Variants in VWA5A observed in about 807,000 individuals in gnomAD.
VWA5A encodes von Willebrand factor A domain containing 5A.
Under a neutral mutation model 84.6 loss-of-function variants are expected in VWA5A, and 77 were observed. The ratio of observed to expected loss-of-function variants is 0.91; its 90% CI spans 0.76 to 1.10. VWA5A has a LOEUF of 1.10. Ranked by LOEUF, VWA5A falls within the 50% of genes least tolerant of loss-of-function variation. The probability of loss-of-function intolerance (pLI) is 0.00; values close to 1 mark genes in which losing one functional copy is unlikely to be tolerated. For synonymous variants in VWA5A, 334 were observed against 350.1 expected (o/e 0.95, Z 0.51); for missense variants, 973 against 963.0 (o/e 1.01, Z -0.14).
intron 15 of VWA5A, among the ~76,000 whole-genome samples, chr11:124,137,966 C>T (rs558818119): frequency 2.0e-5 from 3 of 152,346 alleles, no homozygotes; most frequent in African/African-American, 7.2e-5. Flanking sequence ...TCAAGCAATC[C>T]TCCCACCTCA....
rs746277279 is a variant in VWA5A, at chr11:124,136,188, G to T, written c.1419G>T (p.Trp473Cys). ...QPVVEDVSLS[W>C]HLPPGLSAKM... ...TGGTAGAGGATGTCTCTCTGAGCTG[G>T]CATTTGCCTCCTGGTCTGTCTGCTA... Residue 473 changes from tryptophan to cysteine, a missense_variant, in exon 13 of 19, where the codon TGG (tryptophan) becomes TGT (cysteine). By Grantham distance (215) the Trp-to-Cys change is radical. Coordinates refer to ENST00000456829, the MANE Select transcript of VWA5A (RefSeq NM_001130142.2). The T allele has an allele frequency of 3.7e-6, 6 of 1,614,158 alleles. No homozygotes were observed. The highest frequency in any genetic ancestry group is 5.1e-6 in the Non-Finnish European group (6 of 1,180,044).
At chr11:124,144,128 G>T in intron 17 of VWA5A, among the ~76,000 whole-genome samples, 1 of 151,878 alleles carries the variant, frequency 6.6e-6, no homozygotes, top group East Asian at 1.9e-4. Flanking sequence ...TAAACTATCA[G>T]TCAAAAGAAT....
Position 124,147,564 on chromosome 11 carries a change from G to A in VWA5A, c.*1619G>A, listed in dbSNP as rs970656595. On this transcript the variant is annotated 3_prime_UTR_variant, in exon 19 of 19. Coordinates refer to ENST00000456829, the MANE Select transcript of VWA5A (RefSeq NM_001130142.2). ...ATGCTGAATGTGATCTGCGGAACAG[G>A]GTTGTTAGAAATGCAGCTTTTTAGA... The A allele has an allele frequency of 2.6e-5, 4 of 152,116 alleles. No individual in the cohort carries two copies. In the East Asian group the frequency reaches 7.7e-4, roughly 29 times the overall value. The allele number at this position is 152,116 out of a possible 1,614,324, so 9.4% of individuals were successfully genotyped here.
intron 16 of VWA5A, among the ~76,000 whole-genome samples, chr11:124,142,216 GC>G (rs968585472): frequency 3.9e-5 from 6 of 151,966 alleles, no homozygotes; most frequent in Admixed American, 2.6e-4. Context: ...GGCTGCCCTC[GC>G]CCCCCAGCAG....
intron 16 of VWA5A, among the ~76,000 whole-genome samples, chr11:124,141,968 A>G (rs1223822920): frequency 6.6e-6 from 1 of 152,168 alleles, no homozygotes; most frequent in African/African-American, 2.4e-5. Context: ...ATAGGGACTG[A>G]CAAACTAGCC....
chr11:124,145,393 T>G, intron 18 of VWA5A, 30 bp downstream of exon 18: 1 of 1,581,100 alleles, frequency 6.3e-7, no homozygotes, highest in African/African-American at 1.4e-5. Context: ...GCCTGTCTCC[T>G]TCCCCTTCCC....
At position 124,123,083 on chromosome 11, in the gene VWA5A, C is replaced by G; in HGVS notation, c.884C>G (p.Pro295Arg). The change falls in exon 8 of 19, where the codon CCC becomes CGC. Residue 295 changes from proline (P) to arginine (R), a missense_variant. Physicochemically the swap from Pro to Arg is moderately radical, Grantham distance 103. Coordinates refer to ENST00000456829, the MANE Select transcript of VWA5A (RefSeq NM_001130142.2). ...LMDRSGSMQSPMSSQDTSQLR... is the reference protein window; with the variant it reads ...LMDRSGSMQSRMSSQDTSQLR... ...GACCGCTCGGGAAGTATGCAGAGCCCCATGAGTAGCCAGGATACATCTCAG... is the reference window on the plus strand; with the variant it reads ...GACCGCTCGGGAAGTATGCAGAGCCGCATGAGTAGCCAGGATACATCTCAG... 6.2e-7 allele frequency: 1 copy of G among 1,613,952 alleles called. No homozygotes were observed. Among genetic ancestry groups the G allele is most frequent in the Non-Finnish European group, 8.5e-7 (1 of 1,179,996 alleles).
chr11:124,138,508 G>A (rs556222351), intron 15 of VWA5A, among the ~76,000 whole-genome samples: 11 of 152,196 alleles, frequency 7.2e-5, no homozygotes, highest in East Asian at 3.9e-4. Context: ...ATATCTCATC[G>A]TGGTTTTGAT....
chr11:124,141,736 G>A lies in VWA5A; in HGVS notation c.2018G>A (p.Ser673Asn), dbSNP rs771497215. 9.3e-6 allele frequency: 15 copies of A among 1,613,734 alleles called. No homozygotes were observed. The highest frequency in any genetic ancestry group is 7.6e-6 in the Non-Finnish European group (9 of 1,179,928). ...CGLISHKDQHSPGFGENHLVQ... is the reference protein window; with the variant it reads ...CGLISHKDQHNPGFGENHLVQ... Reference sequence around the variant, plus strand: ...TTGATAAGTCACAAGGACCAGCACAGTCCAGGTGAGTACCTTTATAGGAAC... The same window carrying A: ...TTGATAAGTCACAAGGACCAGCACAATCCAGGTGAGTACCTTTATAGGAAC... Residue 673 changes from serine (S) to asparagine (N), a missense_variant, in exon 16 of 19, where the codon AGT becomes AAT. Ser to Asn is a conservative substitution (Grantham distance 46). Coordinates refer to ENST00000456829, the MANE Select transcript of VWA5A (RefSeq NM_001130142.2).
chr11:124,124,674 G>A, intron 11 of VWA5A: 10 of 568,232 alleles, frequency 1.8e-5, no homozygotes, highest in Non-Finnish European at 2.3e-5. Flanking sequence ...TGCACTGTGT[G>A]ATCGCCACAT....
At chr11:124,145,495 T>C in intron 18 of VWA5A, 132 bp downstream of exon 18, 1 of 1,321,996 alleles carries the variant, frequency 7.6e-7, no homozygotes, top group South Asian at 1.8e-5. Flanking sequence ...TGCTAGTTCT[T>C]TTCTTGGGAG....
At chr11:124,128,643 C>T (rs1865053897) in intron 11 of VWA5A, among the ~76,000 whole-genome samples, 1 of 152,070 alleles carries the variant, frequency 6.6e-6, no homozygotes, top group African/African-American at 2.4e-5. Context: ...TTGTTTGTGT[C>T]CTCTCTTATT....
At chr11:124,127,515 A>T (rs1031284760) in intron 11 of VWA5A, among the ~76,000 whole-genome samples, 2 of 152,136 alleles carry the variant, frequency 1.3e-5, no homozygotes, top group African/African-American at 4.8e-5. Flanking sequence ...ATTTATAATC[A>T]TTTGGGTATA....
intron 15 of VWA5A, among the ~76,000 whole-genome samples, chr11:124,137,748 C>A (rs1375909226): frequency 1.3e-5 from 2 of 152,148 alleles, no homozygotes. Context: ...TCTCCCTGAC[C>A]CCACCTATCT....
In VWA5A at chr11:124,145,943, T is replaced by C. The variant is rs763117302; in HGVS notation, c.2359T>C (p.Ter787ArgextTer18). Reference sequence around the variant, plus strand: ...TGTGGATCCTGCTATCTTTGCCTTTTGAAGATACCATCCAGAAAAAGAAGT... The same window carrying C: ...TGTGGATCCTGCTATCTTTGCCTTTCGAAGATACCATCCAGAAAAAGAAGT... ...SSVDPAIFAF[*>R] The change falls in exon 19 of 19, where the codon TGA (stop) becomes CGA (arginine). Residue 787 changes from the stop codon to arginine (R), a stop_lost. Coordinates refer to ENST00000456829, the MANE Select transcript of VWA5A (RefSeq NM_001130142.2). 6.3e-7 allele frequency: 1 copy of C among 1,583,862 alleles called. No individual in the cohort carries two copies. Among genetic ancestry groups the C allele is most frequent in the South Asian group, 1.1e-5 (1 of 87,366 alleles).
intron 11 of VWA5A, among the ~76,000 whole-genome samples, chr11:124,125,063 C>T (rs891105608): frequency 6.6e-6 from 1 of 152,130 alleles, no homozygotes; most frequent in East Asian, 1.9e-4. Context: ...TTGTTTTGCA[C>T]ACACGTGTAT....
At chr11:124,127,681 T>C (rs1244439979) in intron 11 of VWA5A, among the ~76,000 whole-genome samples, 2 of 152,192 alleles carry the variant, frequency 1.3e-5, no homozygotes, top group Non-Finnish European at 2.9e-5. Context: ...GCATCTGTTG[T>C]TTCCTGACTT....
intron 4 of VWA5A, 125 bp downstream of exon 4, chr11:124,118,000 T>C: frequency 7.5e-7 from 1 of 1,337,678 alleles, no homozygotes; most frequent in Non-Finnish European, 1.0e-6. Context: ...GAAAGCTCTT[T>C]CTTCCACTCT....
chr11:124,119,644 C>T (rs988551787), intron 7 of VWA5A, among the ~76,000 whole-genome samples: 2 of 152,108 alleles, frequency 1.3e-5, no homozygotes, highest in East Asian at 1.9e-4. Flanking sequence ...TTAATAATAT[C>T]GAGTATTAGT....
Sources: allele counts gnomAD v4.1 joint callset (sites outside exome capture counted in the v4.1 genomes callset), GRCh38; gene constraint gnomAD v4.1.1; transcripts MANE v1.5; gene names NCBI Gene and HGNC (gene_info 2026-07-23, HGNC 2026-07-21).